Variants in ULK4 observed in about 807,000 individuals in gnomAD.
ULK4 encodes the protein inactive serine/threonine-protein kinase ULK4.
In ULK4, 133 loss-of-function variants were observed where a neutral mutation model predicts 160.6. The observed-to-expected ratio is 0.83, with a 90% CI of 0.72 to 0.96. The LOEUF (loss-of-function observed/expected upper bound fraction) is 0.96. ULK4 is among the 40% of genes least tolerant of loss of function. The pLI, the probability that ULK4 is intolerant of heterozygous loss-of-function variation, is 0.00. For synonymous variants in ULK4, 534 were observed against 539.8 expected (o/e 0.99, Z 0.15); for missense variants, 1,580 against 1,499.5 (o/e 1.05, Z -0.89).
intron 18 of ULK4, among the ~76,000 whole-genome samples, chr3:41,831,949 T>C (rs927622755): frequency 5.3e-5 from 8 of 152,202 alleles, no homozygotes; most frequent in Admixed American, 1.3e-4. Flanking sequence ...CAGTCTATCA[T>C]TGATGGGCAT....
intron 16 of ULK4, among the ~76,000 whole-genome samples, chr3:41,892,544 G>A (rs188354951): frequency 2.0e-5 from 3 of 152,328 alleles, no homozygotes; most frequent in Non-Finnish European, 4.4e-5. Context: ...ACACATGTTA[G>A]TTATAACATG....
chr3:41,751,207 CA>C (rs1238617254), intron 22 of ULK4, among the ~76,000 whole-genome samples: 1 of 152,138 alleles, frequency 6.6e-6, no homozygotes, highest in Non-Finnish European at 1.5e-5. Flanking sequence ...CTGTTCTCTT[CA>C]AGGGCAGGAA....
chr3:41,692,052 C>T (rs532798321), intron 27 of ULK4, among the ~76,000 whole-genome samples: 1 of 147,556 alleles, frequency 6.8e-6, no homozygotes, highest in Non-Finnish European at 1.5e-5. Flanking sequence ...CCTGGGTTCA[C>T]GCCATTCTCC....
intron 27 of ULK4, among the ~76,000 whole-genome samples, chr3:41,687,093 G>C (rs1258771838): frequency 1.3e-5 from 2 of 151,772 alleles, no homozygotes; most frequent in Non-Finnish European, 2.9e-5. Flanking sequence ...AAATTATTTA[G>C]GCTGGGCGTA....
At chr3:41,803,811 G>C (rs1035641425) in intron 19 of ULK4, among the ~76,000 whole-genome samples, 1 of 152,124 alleles carries the variant, frequency 6.6e-6, no homozygotes, top group Non-Finnish European at 1.5e-5. Flanking sequence ...CAAAGGACAT[G>C]AACTCATCAT....
chr3:41,316,224 G>A (rs1266080856), intron 35 of ULK4, among the ~76,000 whole-genome samples: 3 of 152,148 alleles, frequency 2.0e-5, no homozygotes, highest in East Asian at 3.9e-4. Flanking sequence ...AGGCACCGAC[G>A]CATGCTACAA....
At chr3:41,439,898 C>A (rs1405718340) in intron 34 of ULK4, among the ~76,000 whole-genome samples, 1 of 152,172 alleles carries the variant, frequency 6.6e-6, no homozygotes, top group East Asian at 1.9e-4. Context: ...CCTTTAATTT[C>A]TCTAAGCAAT....
At chr3:41,484,402 T>G (rs1008236693) in intron 32 of ULK4, among the ~76,000 whole-genome samples, 2 of 151,934 alleles carry the variant, frequency 1.3e-5, no homozygotes, top group Non-Finnish European at 2.9e-5. Context: ...CGCCTGGAGA[T>G]ATACATCCTG....
intron 19 of ULK4, among the ~76,000 whole-genome samples, chr3:41,801,724 G>GAC (rs1383276047): frequency 6.6e-6 from 1 of 151,880 alleles, no homozygotes; most frequent in African/African-American, 2.4e-5. Context: ...GGTAGTACAT[G>GAC]CCTATACTCC....
intron 30 of ULK4, among the ~76,000 whole-genome samples, chr3:41,655,459 A>T (rs1293328637): frequency 6.6e-6 from 1 of 152,026 alleles, no homozygotes; most frequent in African/African-American, 2.4e-5. Flanking sequence ...GCACACCAAC[A>T]TGGCACATGT....
At chr3:41,421,122 A>AAAAAG (rs66621972) in intron 34 of ULK4, among the ~76,000 whole-genome samples, 3 of 148,834 alleles carry the variant, frequency 2.0e-5, no homozygotes, top group East Asian at 2.0e-4. Flanking sequence ...ATCTCAAAAA[A>AAAAAG]AAAAGAAAAG....
chr3:41,738,329 A>G (rs2125876361), intron 22 of ULK4, among the ~76,000 whole-genome samples: 1 of 151,976 alleles, frequency 6.6e-6, no homozygotes, highest in Admixed American at 6.5e-5. Context: ...TTGACTTGGC[A>G]AAGGTTTTTT....
At chr3:41,567,020 C>T (rs1312607820) in intron 31 of ULK4, among the ~76,000 whole-genome samples, 10 of 152,158 alleles carry the variant, frequency 6.6e-5, no homozygotes, top group African/African-American at 1.2e-4. Context: ...CCCTGCTCTA[C>T]GTCCTGCGCC....
intron 30 of ULK4, among the ~76,000 whole-genome samples, chr3:41,642,760 A>C (rs995654633): frequency 5.9e-5 from 9 of 152,154 alleles, no homozygotes; most frequent in Non-Finnish European, 1.2e-4. Context: ...CTGAAGAATC[A>C]CCACACTGAC....
intron 35 of ULK4, among the ~76,000 whole-genome samples, chr3:41,301,026 C>T (rs982547325): frequency 2.0e-5 from 3 of 151,258 alleles, no homozygotes; most frequent in African/African-American, 7.3e-5. Context: ...GGGACTTGTC[C>T]AAGGCCTTGC....
intron 29 of ULK4, among the ~76,000 whole-genome samples, chr3:41,676,908 CTTTTTTT>C (rs11304353): frequency 2.2e-5 from 2 of 91,268 alleles, no homozygotes; most frequent in Admixed American, 1.4e-4. Context: ...CACCCCCAAC[CTTTTTTT>C]TTTTTTTTTT....
intron 22 of ULK4, among the ~76,000 whole-genome samples, chr3:41,750,404 C>T (rs947099015): frequency 2.6e-4 from 40 of 152,256 alleles, no homozygotes; most frequent in African/African-American, 9.6e-4. Context: ...AAATCCTCCT[C>T]CATCTGTTCT....
At chr3:41,532,326 A>G (rs1267990866) in intron 32 of ULK4, among the ~76,000 whole-genome samples, 2 of 152,102 alleles carry the variant, frequency 1.3e-5, no homozygotes, top group Non-Finnish European at 2.9e-5. Context: ...TTATTTAACA[A>G]TCACCTTCAC....
At chr3:41,426,841 A>G (rs2082787661) in intron 34 of ULK4, among the ~76,000 whole-genome samples, 1 of 152,144 alleles carries the variant, frequency 6.6e-6, no homozygotes, top group South Asian at 2.1e-4. Context: ...ATACCCTAAC[A>G]TCACAACTAA....
Sources: gnomAD v4.1 joint callset for allele counts (sites outside exome capture counted in the v4.1 genomes callset) on GRCh38, gnomAD v4.1.1 for gene constraint, MANE v1.5 for transcripts, NCBI Gene and HGNC (gene_info 2026-07-23, HGNC 2026-07-21) for gene names.